The following YTHDF3 variants were observed in gnomAD, a reference collection of about 807,000 sequenced individuals.
The protein encoded by YTHDF3 is YTH N6-methyladenosine RNA binding protein F3.
Under a neutral mutation model 52.5 loss-of-function variants are expected in YTHDF3, and 9 were observed. The ratio of observed to expected loss-of-function variants is 0.17; its 90% CI spans 0.10 to 0.30. The LOEUF is 0.30. Ranked by LOEUF, YTHDF3 falls within the 10% of genes least tolerant of loss-of-function variation. YTHDF3 has a pLI of 1.00. For missense variants in YTHDF3, 534 were observed against 715.0 expected, an observed-to-expected ratio of 0.75 and a Z score of 2.89; for synonymous variants, 274 against 243.3, an observed-to-expected ratio of 1.13 and a Z score of -1.18.
chr8:63,184,123 G>T (rs76393927), intron 3 of YTHDF3, among the ~76,000 whole-genome samples: 11,360 of 152,218 alleles, frequency 0.075, 700 homozygotes, highest in East Asian at 0.35. Flanking sequence ...TGAATCCACA[G>T]ATGTAGAACC....
intron 4 of YTHDF3, among the ~76,000 whole-genome samples, chr8:63,193,322 G>C (rs1173415311): frequency 3.5e-5 from 5 of 141,194 alleles, no homozygotes; most frequent in African/African-American, 8.1e-5. Flanking sequence ...ATTGCAGTAA[G>C]CCAGGATTGC....
At chr8:63,177,737 A>G (rs1469335772) in intron 3 of YTHDF3, among the ~76,000 whole-genome samples, 1 of 151,362 alleles carries the variant, frequency 6.6e-6, no homozygotes, top group Non-Finnish European at 1.5e-5. Context: ...AGTATAAAAA[A>G]TCCTGACTTG....
chr8:63,170,703 T>C (rs1018711945), intron 2 of YTHDF3, among the ~76,000 whole-genome samples: 1 of 152,168 alleles, frequency 6.6e-6, no homozygotes, highest in African/African-American at 2.4e-5. Context: ...GATTGTGAAA[T>C]TGTGGTCATT....
intron 3 of YTHDF3, among the ~76,000 whole-genome samples, chr8:63,185,235 T>C (rs963875115): frequency 4.6e-5 from 7 of 152,148 alleles, no homozygotes; most frequent in African/African-American, 1.7e-4. Context: ...TAAAATACTT[T>C]AAAGTATTTT....
At chr8:63,197,684 A>G (rs545572630) in intron 4 of YTHDF3, among the ~76,000 whole-genome samples, 13 of 152,350 alleles carry the variant, frequency 8.5e-5, no homozygotes, top group African/African-American at 3.1e-4. Flanking sequence ...GGGAATCGAT[A>G]GCATCTGAAT....
rs1408729761 is a variant in YTHDF3, at chr8:63,195,221, A to G, written c.1734+7476A>G. 3.3e-5 allele frequency among the ~76,000 whole-genome samples: 5 copies of G among 152,222 alleles called. No individual in the cohort carries two copies. The South Asian group carries it at 1.0e-3, about 31-fold the overall frequency. On this transcript the variant is annotated intron_variant, in intron 4 of 4. Coordinates refer to ENST00000539294, the MANE Select transcript of YTHDF3 (RefSeq NM_152758.6). Reference sequence around the variant, plus strand: ...TAGTATTTGTATTATATTTGAAAACATAATTTTGATATATTTGAGTAAAAT... The same window carrying G: ...TAGTATTTGTATTATATTTGAAAACGTAATTTTGATATATTTGAGTAAAAT...
rs1391586448 is a variant in YTHDF3, at chr8:63,168,874, A to G, written c.-4A>G. 1 of 1,554,774 alleles carries G rather than the reference A, an allele frequency of 6.4e-7. No homozygotes were observed. The highest frequency in any genetic ancestry group is 8.7e-7 in the Non-Finnish European group (1 of 1,149,394). On this transcript the variant is annotated 5_prime_UTR_variant, in exon 1 of 5. Coordinates refer to ENST00000539294, the MANE Select transcript of YTHDF3 (RefSeq NM_152758.6). ...CGGCGGCGGCTCTCGGGTTGCGGTG[A>G]AGAATGTCAGCCACTAGCGTGGATC...
intron 3 of YTHDF3, 113 bp downstream of exon 3, chr8:63,175,529 G>A: frequency 8.1e-6 from 7 of 859,372 alleles, no homozygotes; most frequent in Non-Finnish European, 1.3e-5. Flanking sequence ...CATTCATCTA[G>A]TGTACCTATA....
chr8:63,200,477 G>A (rs1809541021), intron 4 of YTHDF3, among the ~76,000 whole-genome samples: 1 of 147,700 alleles, frequency 6.8e-6, no homozygotes, highest in Non-Finnish European at 1.5e-5. Flanking sequence ...AACATCTGCT[G>A]AATTCTGTTG....
At chr8:63,178,427 G>C (rs536025675) in intron 3 of YTHDF3, among the ~76,000 whole-genome samples, 1 of 152,200 alleles carries the variant, frequency 6.6e-6, no homozygotes, top group African/African-American at 2.4e-5. Flanking sequence ...CTTTTTAAAA[G>C]ATGTAAAGGC....
chr8:63,196,237 G>A (rs1378208787), intron 4 of YTHDF3, among the ~76,000 whole-genome samples: 3 of 151,282 alleles, frequency 2.0e-5, no homozygotes, highest in African/African-American at 7.3e-5. Context: ...TCCAGCTTGG[G>A]CGACAGAAGT....
chr8:63,169,587 C>T, intron 2 of YTHDF3, 176 bp downstream of exon 2: 1 of 657,430 alleles, frequency 1.5e-6, no homozygotes. Flanking sequence ...TAGTTCGTTG[C>T]TTTGAAGCCA....
intron 4 of YTHDF3, among the ~76,000 whole-genome samples, chr8:63,199,399 A>G (rs1242364214): frequency 6.6e-6 from 1 of 152,044 alleles, no homozygotes; most frequent in Non-Finnish European, 1.5e-5. Context: ...TGAATACTGC[A>G]TTTTTTTATC....
At position 63,209,679 on chromosome 8, in the gene YTHDF3, TC is replaced by T. The variant is rs1810264897; in HGVS notation, c.1735-3del. ...TTTGTGTGTGTGTGTTTTTTTTTTT[TC>T]AGGAGAGAAATAGAAACAAACAATA... On this transcript the variant is annotated splice_region_variant and splice_polypyrimidine_tract_variant and intron_variant, in intron 4 of 4. Transcript: ENST00000539294. The T allele has an allele frequency of 2.5e-6, 4 of 1,570,778 alleles. No individual in the cohort carries two copies. The highest frequency in any genetic ancestry group is 1.4e-5 in the African/African-American group (1 of 73,244).
chr8:63,194,795 A>G (rs544517408), intron 4 of YTHDF3, among the ~76,000 whole-genome samples: 7 of 152,286 alleles, frequency 4.6e-5, no homozygotes, highest in African/African-American at 1.2e-4. Flanking sequence ...GGTTACAACA[A>G]TTTTGAATAG....
At chr8:63,194,541 G>A (rs866672198) in intron 4 of YTHDF3, among the ~76,000 whole-genome samples, 3 of 152,192 alleles carry the variant, frequency 2.0e-5, no homozygotes, top group South Asian at 4.1e-4. Flanking sequence ...ATAAGAATAT[G>A]TGAAACATTC....
rs1810043634 is a variant in YTHDF3, at chr8:63,206,564, T to TA, written c.1735-3117dup. On this transcript the variant is annotated intron_variant, in intron 4 of 4. Coordinates refer to ENST00000539294, the MANE Select transcript of YTHDF3 (RefSeq NM_152758.6). ...TATACTGAATCCAGGCACTTCTTAG[T>TA]AACTCTACTAAAGTTACTAATTAAA... 3.3e-5 allele frequency among the ~76,000 whole-genome samples: 5 copies of TA among 152,090 alleles called. No homozygotes were observed. In the South Asian group the frequency reaches 1.0e-3, roughly 31 times the overall value.
chr8:63,186,544 T>C lies in YTHDF3; in HGVS notation c.533T>C (p.Leu178Ser). The change falls in exon 4 of 5, where the codon TTG becomes TCG. Residue 178 changes from leucine to serine, a missense_variant. By Grantham distance (145) the Leu-to-Ser change is moderately radical. Transcript: ENST00000539294. ...DGQAGFGNDT[L>S]SKVPGISSIE... ...CAGGCTGGATTTGGCAATGATACTT[T>C]GAGTAAGGTGCCTGGCATTAGCAGT... 1 of 1,613,976 alleles carries C rather than the reference T, an allele frequency of 6.2e-7. No individual in the cohort carries two copies. Among genetic ancestry groups the C allele is most frequent in the South Asian group, 1.1e-5 (1 of 91,078 alleles).
At chr8:63,170,664 C>G (rs1179141293) in intron 2 of YTHDF3, among the ~76,000 whole-genome samples, 1 of 152,038 alleles carries the variant, frequency 6.6e-6, no homozygotes. Context: ...TTTTGCTAGT[C>G]TACCCATTAG....
Sources: gnomAD v4.1 joint callset for allele counts (sites outside exome capture counted in the v4.1 genomes callset) on GRCh38, gnomAD v4.1.1 for gene constraint, MANE v1.5 for transcripts, NCBI Gene and HGNC (gene_info 2026-07-23, HGNC 2026-07-21) for gene names.